PHIP: variants seen among roughly 807,000 people sequenced by gnomAD.
PHIP encodes PHIP subunit of CUL4-Ring ligase complex.
A neutral mutation model predicts 236.8 loss-of-function variants in PHIP; 54 were observed. The ratio of observed to expected loss-of-function variants is 0.23; its 90% CI spans 0.18 to 0.29. The LOEUF (loss-of-function observed/expected upper bound fraction) is 0.29, where lower values mean the gene tolerates loss of function less well. PHIP is among the 10% of genes least tolerant of loss of function. The probability of loss-of-function intolerance (pLI) is 1.00; values close to 1 mark genes in which losing one functional copy is unlikely to be tolerated. For missense variants in PHIP, 1,370 were observed against 2,190.8 expected (o/e 0.63, Z 7.48); for synonymous variants, 756 against 718.9 (o/e 1.05, Z -0.83).
chr6:78,943,961 C>CGGT (rs2127680359), intron 39 of PHIP, among the ~76,000 whole-genome samples: 1 of 119,706 alleles, frequency 8.4e-6, no homozygotes, highest in African/African-American at 3.2e-5. Flanking sequence ...ACTTCAGCCT[C>CGGT]GGTGACAGAG....
rs768054489 is a variant in PHIP, at chr6:78,939,466, C to A, written c.*1227G>T. ...TTAACCTTTAATAATTGAAAATAAC[C>A]AATTTCCCCCTTAAAATTAAACTAT... On this transcript the variant is annotated 3_prime_UTR_variant, in exon 40 of 40. Transcript: ENST00000275034. 6.6e-6 allele frequency: 1 copy of A among 151,584 alleles called. No individual in the cohort carries two copies. Among genetic ancestry groups the A allele is most frequent in the Non-Finnish European group, 1.5e-5 (1 of 67,676 alleles). 9.4% of individuals were successfully genotyped at this position (151,584 alleles called of 1,614,324 possible).
intron 32 of PHIP, chr6:78,957,560 A>C (rs1460655102): frequency 1.3e-5 from 2 of 151,560 alleles, no homozygotes; most frequent in African/African-American, 4.8e-5. Flanking sequence ...ATTAATGAGA[A>C]TGAAGCAGGG....
At chr6:78,987,108 A>G (rs772120073) in intron 21 of PHIP, among the ~76,000 whole-genome samples, 7 of 152,172 alleles carry the variant, frequency 4.6e-5, no homozygotes, top group Non-Finnish European at 8.8e-5. Flanking sequence ...AAAGGATGTT[A>G]AAGCATAAAT....
intron 6 of PHIP, among the ~76,000 whole-genome samples, chr6:79,048,445 A>G (rs1772610947): frequency 1.3e-5 from 2 of 152,178 alleles, no homozygotes; most frequent in South Asian, 2.1e-4. Flanking sequence ...AGAAAAATAC[A>G]TGATAAAAAA....
At chr6:79,029,153 T>C (rs1327892434) in intron 7 of PHIP, among the ~76,000 whole-genome samples, 2 of 152,160 alleles carry the variant, frequency 1.3e-5, no homozygotes, top group Non-Finnish European at 2.9e-5. Flanking sequence ...TTTTCTTCCA[T>C]CAAATTGCCA....
chr6:79,037,202 T>C (rs542908692), intron 7 of PHIP, among the ~76,000 whole-genome samples: 2 of 152,274 alleles, frequency 1.3e-5, no homozygotes, highest in East Asian at 3.9e-4. Flanking sequence ...CTCCTTCAAT[T>C]TGGAATACTT....
At chr6:79,065,741 G>C (rs368995991) in intron 4 of PHIP, among the ~76,000 whole-genome samples, 2 of 148,822 alleles carry the variant, frequency 1.3e-5, no homozygotes, top group Non-Finnish European at 3.0e-5. Flanking sequence ...CAGGGGCCAT[G>C]AATCTTTTTG....
chr6:79,029,590 C>T (rs954425120), intron 7 of PHIP, among the ~76,000 whole-genome samples: 5 of 152,000 alleles, frequency 3.3e-5, no homozygotes, highest in South Asian at 2.1e-4. Context: ...AGTACAGTGG[C>T]GTGATCATGG....
intron 19 of PHIP, among the ~76,000 whole-genome samples, chr6:78,995,458 T>C (rs960312568): frequency 6.6e-6 from 1 of 152,230 alleles, no homozygotes; most frequent in African/African-American, 2.4e-5. Flanking sequence ...TTTCCCAAAA[T>C]GGCTCTATCA....
chr6:79,051,277 CACCGTAATAGTA>C (rs1206959929), intron 6 of PHIP, among the ~76,000 whole-genome samples: 2 of 152,100 alleles, frequency 1.3e-5, no homozygotes, highest in African/African-American at 4.8e-5. Flanking sequence ...ACAAATAAAT[CACCGTAATAGTA>C]ACTATAATGA....
chr6:78,982,740 CT>C, intron 23 of PHIP, 145 bp downstream of exon 23: 1 of 511,418 alleles, frequency 2.0e-6, no homozygotes. Context: ...TTTAGGTAAA[CT>C]TTTTTACTAC....
Position 78,940,882 on chromosome 6 carries a change from G to A in PHIP, c.5277C>T (p.Leu1759=). 1 of 1,613,842 alleles carries A rather than the reference G, an allele frequency of 6.2e-7. No individual in the cohort carries two copies. Among genetic ancestry groups the A allele is most frequent in the Non-Finnish European group, 8.5e-7 (1 of 1,179,846 alleles). Residue 1759 remains leucine, a synonymous_variant, in exon 40 of 40, where the codon CTC becomes CTT. Coordinates refer to ENST00000275034, the MANE Select transcript of PHIP (RefSeq NM_017934.7). ...PIDEEEEFEE[L]KGSEPHMRTR... ...TTCTCATGTGGGGTTCAGAGCCTTTGAGTTCTTCAAACTCTTCTTCCTCAT... is the reference window on the plus strand; with the variant it reads ...TTCTCATGTGGGGTTCAGAGCCTTTAAGTTCTTCAAACTCTTCTTCCTCAT...
At chr6:78,950,714 C>A (rs748762741) in intron 35 of PHIP, among the ~76,000 whole-genome samples, 1 of 152,146 alleles carries the variant, frequency 6.6e-6, no homozygotes, top group African/African-American at 2.4e-5. Context: ...CTGATATTAA[C>A]AATCTGTCTT....
rs1773329318 is a variant in PHIP, at chr6:79,060,794, G to A, written c.214C>T (p.Pro72Ser). ...TGACATATTTGCAGCAAGTGATCAG[G>A]TGCTAAGTGTCTGTAATACTTCACC... is the stretch of plus-strand genomic sequence containing the variant. The part of the protein sequence containing the change: ...NLVKYYRHLA[P>S]DHLLQICHRL... Residue 72 changes from proline to serine, a missense_variant, in exon 5 of 40, where the codon CCT (proline) becomes TCT (serine). Pro to Ser is a moderately conservative substitution (Grantham distance 74, BLOSUM62 -1). Transcript: ENST00000275034. The A allele has an allele frequency of 6.2e-7, 1 of 1,610,820 alleles. No homozygotes were observed. The highest frequency in any genetic ancestry group is 8.5e-7 in the Non-Finnish European group (1 of 1,177,416).
Position 79,042,948 on chromosome 6 carries a change from A to C in PHIP, c.495T>G (p.Val165=). Residue 165 remains valine (V), a synonymous_variant, in exon 7 of 40, where the codon GTT becomes GTG. Coordinates refer to ENST00000275034, the MANE Select transcript of PHIP (RefSeq NM_017934.7). Reference sequence around the variant, plus strand: ...TCATGTGCTGATACACTGCAGTTGGAACAAGTCGCTCAAGTCTGTATTTCC... The same window carrying C: ...TCATGTGCTGATACACTGCAGTTGGCACAAGTCGCTCAAGTCTGTATTTCC... ...LNGKYRLERL[V]PTAVYQHMKM... The C allele has an allele frequency of 1.2e-6, 2 of 1,612,554 alleles. No homozygotes were observed. The highest frequency in any genetic ancestry group is 2.2e-5 in the South Asian group (2 of 90,980).
chr6:78,998,047 T>C (rs1210469378), intron 18 of PHIP, among the ~76,000 whole-genome samples: 3 of 152,194 alleles, frequency 2.0e-5, no homozygotes, highest in African/African-American at 7.2e-5. Context: ...GACATACACA[T>C]TTAAAAACTC....
intron 6 of PHIP, among the ~76,000 whole-genome samples, chr6:79,047,305 G>T (rs1372444989): frequency 6.6e-6 from 1 of 152,004 alleles, no homozygotes; most frequent in Non-Finnish European, 1.5e-5. Flanking sequence ...TTAGGTGCTA[G>T]GATAATAAGT....
At chr6:79,074,727 C>T (rs180901203) in intron 4 of PHIP, among the ~76,000 whole-genome samples, 1 of 152,234 alleles carries the variant, frequency 6.6e-6, no homozygotes, top group African/African-American at 2.4e-5. Flanking sequence ...CTCAATCACA[C>T]TTGAAATGAA....
intron 15 of PHIP, among the ~76,000 whole-genome samples, chr6:79,010,882 C>T (rs1218055734): frequency 3.3e-5 from 5 of 151,604 alleles, no homozygotes; most frequent in South Asian, 4.2e-4. Context: ...CTTAGCTGTC[C>T]GGTGCTAATT....
Sources: allele counts gnomAD v4.1 joint callset (sites outside exome capture counted in the v4.1 genomes callset), GRCh38; gene constraint gnomAD v4.1.1; transcripts MANE v1.5; gene names NCBI Gene and HGNC (gene_info 2026-07-23, HGNC 2026-07-21).